The following CDC42BPB variants were observed in gnomAD, a reference collection of about 807,000 sequenced individuals.
CDC42BPB encodes CDC42 binding protein kinase beta, also known as serine/threonine-protein kinase MRCK beta.
Under a neutral mutation model 214.9 loss-of-function variants are expected in CDC42BPB, and 37 were observed. The ratio of observed to expected loss-of-function variants is 0.17; its 90% CI spans 0.13 to 0.23. CDC42BPB has a LOEUF of 0.23. CDC42BPB is among the 10% of genes least tolerant of loss of function. CDC42BPB has a pLI of 1.00. For synonymous variants in CDC42BPB, 931 were observed against 884.0 expected (o/e 1.05, Z -0.94); for missense variants, 1,694 against 2,227.0 (o/e 0.76, Z 4.82).
intron 14 of CDC42BPB, among the ~76,000 whole-genome samples, chr14:102,969,857 G>T (rs1893394831): frequency 6.6e-6 from 1 of 152,262 alleles, no homozygotes; most frequent in Non-Finnish European, 1.5e-5. Flanking sequence ...GCTATGAATT[G>T]ATGGGGCTGG....
chr14:103,027,958 C>T (rs1359287755), intron 1 of CDC42BPB, among the ~76,000 whole-genome samples: 2 of 151,932 alleles, frequency 1.3e-5, no homozygotes, highest in South Asian at 2.1e-4. Context: ...AGTGAAACCC[C>T]ATCTCTACTA....
chr14:103,046,083 T>C (rs551097263), intron 1 of CDC42BPB, among the ~76,000 whole-genome samples: 1 of 152,174 alleles, frequency 6.6e-6, no homozygotes, highest in Admixed American at 6.5e-5. Context: ...GGCGCTCAGA[T>C]CTCTGAAGGC....
In CDC42BPB at chr14:102,939,886, C is replaced by A; in HGVS notation, c.4653G>T (p.Arg1551Ser). 4.3e-6 allele frequency: 7 copies of A among 1,614,056 alleles called. No homozygotes were observed. The highest frequency in any genetic ancestry group is 5.9e-6 in the Non-Finnish European group (7 of 1,180,042). Residue 1551 changes from arginine to serine, a missense_variant, in exon 33 of 37, where the codon AGG becomes AGT. Physicochemically the swap from Arg to Ser is moderately radical, Grantham distance 110. Transcript: ENST00000361246. The stretch of plus-strand genomic sequence containing the variant: ...CCTTGAAGACGAACCGCCTTTTGCT[C>A]CTGGTGCGCAGCATCTGCTTCTTGC... Reference protein sequence around the residue: ...DNSKKQMLRTRSKRRFVFKVP... With the variant: ...DNSKKQMLRTSSKRRFVFKVP...
intron 5 of CDC42BPB, among the ~76,000 whole-genome samples, chr14:102,995,680 C>T (rs1032047752): frequency 1.3e-5 from 2 of 152,236 alleles, no homozygotes; most frequent in Non-Finnish European, 2.9e-5. Flanking sequence ...CCCCCGCCTG[C>T]GGGGTGGGAT....
At chr14:102,959,123 C>G (rs1892842307) in intron 21 of CDC42BPB, among the ~76,000 whole-genome samples, 1 of 151,790 alleles carries the variant, frequency 6.6e-6, no homozygotes, top group Admixed American at 6.6e-5. Flanking sequence ...ATGGTGAAAC[C>G]CTGTCTCTAC....
At chr14:102,983,791 G>A (rs903608216) in intron 6 of CDC42BPB, 35 bp from the exon 7 acceptor site, 1 of 1,594,998 alleles carries the variant, frequency 6.3e-7, no homozygotes, top group Non-Finnish European at 8.5e-7. Flanking sequence ...GGAAACCCTA[G>A]GGCATCTCCA....
At chr14:103,027,074 G>A (rs1887096330) in intron 1 of CDC42BPB, among the ~76,000 whole-genome samples, 1 of 152,184 alleles carries the variant, frequency 6.6e-6, no homozygotes, top group South Asian at 2.1e-4. Flanking sequence ...TGCCCAATAT[G>A]CACAGAAAAA....
intron 8 of CDC42BPB, among the ~76,000 whole-genome samples, chr14:102,980,142 T>C (rs1448911735): frequency 6.6e-6 from 1 of 152,184 alleles, no homozygotes; most frequent in African/African-American, 2.4e-5. Context: ...AAACCTAAAA[T>C]GTGGTGACAG....
chr14:103,056,066 C>T (rs552250740), intron 1 of CDC42BPB, among the ~76,000 whole-genome samples: 61 of 152,184 alleles, frequency 4.0e-4, no homozygotes, highest in Non-Finnish European at 8.1e-4. Context: ...GCACTTTTAC[C>T]TGTCTTTAGG....
rs1892066704 is a variant in CDC42BPB, at chr14:102,944,640, T to C, written c.3812-153A>G. On this transcript the variant is annotated intron_variant, in intron 29 of 36. Transcript: ENST00000361246. This position sits in a 1 kb window ranked among gnomAD's most constrained non-coding sequence, Gnocchi z 6.6. The stretch of plus-strand genomic sequence containing the variant: ...CAGCCTGAGCCCGGCCCTGAGCCCG[T>C]CTCTGCCCACAGAGCCAGTGGCTTG... 1 of 985,142 alleles carries C rather than the reference T, an allele frequency of 1.0e-6. No individual in the cohort carries two copies. Among genetic ancestry groups the C allele is most frequent in the Non-Finnish European group, 1.2e-6 (1 of 829,900 alleles). The allele number at this position is 985,142 out of a possible 1,614,324, so 61.0% of individuals were successfully genotyped here. A position where few individuals can be genotyped will look rare whatever the true frequency, so the allele number is the denominator to read the frequency against.
intron 1 of CDC42BPB, among the ~76,000 whole-genome samples, chr14:103,044,289 G>GCAATCATA (rs1888168248): frequency 6.6e-6 from 1 of 151,498 alleles, no homozygotes; most frequent in Non-Finnish European, 1.5e-5. Context: ...GTGCAGTGGT[G>GCAATCATA]CAATCATAGC....
intron 1 of CDC42BPB, among the ~76,000 whole-genome samples, chr14:103,050,815 G>A (rs2139783104): frequency 6.6e-6 from 1 of 152,122 alleles, no homozygotes; most frequent in Non-Finnish European, 1.5e-5. Flanking sequence ...AATTTTGGAG[G>A]TCAGGGAAAT....
chr14:102,997,961 A>G (rs1894816652), intron 5 of CDC42BPB, among the ~76,000 whole-genome samples: 1 of 152,218 alleles, frequency 6.6e-6, no homozygotes, highest in Admixed American at 6.5e-5. Context: ...CCTGGCCAAC[A>G]TGGCGAAATC....
At position 102,932,765 on chromosome 14, in the gene CDC42BPB, AGG is replaced by A. The variant is rs1314937142; in HGVS notation, c.*945_*946del. 6.6e-6 allele frequency: 1 copy of A among 152,280 alleles called. No homozygotes were observed. Among genetic ancestry groups the A allele is most frequent in the Non-Finnish European group, 1.5e-5 (1 of 68,034 alleles). 9.4% of individuals were successfully genotyped at this position (152,280 alleles called of 1,614,324 possible). On this transcript the variant is annotated 3_prime_UTR_variant, in exon 37 of 37. Coordinates refer to ENST00000361246, the MANE Select transcript of CDC42BPB (RefSeq NM_006035.4). ...AAAGGGTGAGGTGAAATCCACGCGC[AGG>A]GGATTGCTGTGCCGTGGGCCGGGGC...
intron 36 of CDC42BPB, among the ~76,000 whole-genome samples, chr14:102,934,719 G>T (rs1405411091): frequency 1.3e-5 from 2 of 151,206 alleles, no homozygotes; most frequent in East Asian, 4.0e-4. Context: ...TTTCCCCTAA[G>T]ATCAGCCACG....
At chr14:102,942,744 G>A (rs978124276) in intron 30 of CDC42BPB, among the ~76,000 whole-genome samples, 3 of 149,398 alleles carry the variant, frequency 2.0e-5, no homozygotes, top group Non-Finnish European at 4.4e-5. Flanking sequence ...CTGCTCTGTT[G>A]CCCAGGCTAG....
chr14:102,958,838 G>A (rs968629214), intron 21 of CDC42BPB, among the ~76,000 whole-genome samples: 12 of 151,862 alleles, frequency 7.9e-5, no homozygotes, highest in African/African-American at 2.9e-4. Flanking sequence ...TCGCTCTAGT[G>A]TGGGATTTTT....
At chr14:102,986,778 G>C (rs1894265071) in intron 5 of CDC42BPB, 198 bp from the exon 6 acceptor site, 2 of 964,014 alleles carry the variant, frequency 2.1e-6, no homozygotes, top group Non-Finnish European at 2.5e-6. Context: ...CCCTCGTTTA[G>C]TCCCCAGTTA....
intron 1 of CDC42BPB, among the ~76,000 whole-genome samples, chr14:103,049,093 T>A (rs1015270864): frequency 1.3e-5 from 2 of 152,196 alleles, no homozygotes; most frequent in African/African-American, 4.8e-5. Flanking sequence ...GGGGTGAATG[T>A]GTTTCAGGCA....
Sources: allele counts gnomAD v4.1 joint callset (sites outside exome capture counted in the v4.1 genomes callset), GRCh38; gene constraint gnomAD v4.1.1; non-coding constraint Gnocchi (gnomAD v3.1); transcripts MANE v1.5; gene names NCBI Gene and HGNC (gene_info 2026-07-23, HGNC 2026-07-21).